Variants in TMEM44 observed in about 807,000 individuals in gnomAD.
TMEM44 encodes the protein transmembrane protein 44.
Under a neutral mutation model 47.8 loss-of-function variants are expected in TMEM44, and 43 were observed. That is an observed-to-expected ratio of 0.90 (90% CI 0.70 to 1.16). TMEM44 has a LOEUF of 1.16. TMEM44 is among the 50% of genes most tolerant of loss of function. The pLI is 0.00. For missense variants in TMEM44, 568 were observed against 555.2 expected (o/e 1.02, Z -0.23); for synonymous variants, 277 against 238.8 (o/e 1.16, Z -1.48).
intron 9 of TMEM44, among the ~76,000 whole-genome samples, chr3:194,598,043 T>C (rs1487349835): frequency 1.3e-5 from 2 of 152,180 alleles, no homozygotes; most frequent in Admixed American, 1.3e-4. Context: ...GGTGGGCTAG[T>C]AAATGAATGA....
At chr3:194,596,485 T>C (rs1409100509) in intron 9 of TMEM44, among the ~76,000 whole-genome samples, 6 of 152,136 alleles carry the variant, frequency 3.9e-5, no homozygotes, top group Non-Finnish European at 8.8e-5. Flanking sequence ...GATGGAAGCT[T>C]TTCTGTGTGT....
intron 2 of TMEM44, 21 bp from the exon 3 acceptor site, chr3:194,626,011 A>T (rs763763559): frequency 1.3e-6 from 2 of 1,575,614 alleles, no homozygotes; most frequent in Non-Finnish European, 1.7e-6. Flanking sequence ...ACGGGAAGAG[A>T]GTCTTGGCAT....
chr3:194,609,608 C>T (rs915361917), intron 8 of TMEM44, among the ~76,000 whole-genome samples: 3 of 152,088 alleles, frequency 2.0e-5, no homozygotes, highest in African/African-American at 7.2e-5. Context: ...TCACCTCTTT[C>T]CCAATTCTCT....
At position 194,633,221 on chromosome 3, in the gene TMEM44, G is replaced by A. The variant is rs1004772969; in HGVS notation, c.-6C>T. 105 of 1,392,524 alleles carry A rather than the reference G, an allele frequency of 7.5e-5. No individual in the cohort carries two copies. Among genetic ancestry groups the A allele is most frequent in the Non-Finnish European group, 3.2e-5 (34 of 1,072,362 alleles). 86.3% of individuals were successfully genotyped at this position (1,392,524 alleles called of 1,614,324 possible). ...GGGCTGGGCGCCTCCCCCATGGCGC[G>A]GCTGGGCGCGCGGCGCGGGGCCGGG... On this transcript the variant is annotated 5_prime_UTR_variant, in exon 1 of 10. Transcript: ENST00000347147.
intron 9 of TMEM44, among the ~76,000 whole-genome samples, chr3:194,599,498 T>C (rs9872030): frequency 0.42 from 64,524 of 151,944 alleles, 14,553 homozygotes; most frequent in East Asian, 0.77. Flanking sequence ...GAGGCGGCCA[T>C]TGGTTGGTAG....
At chr3:194,628,548 GAGT>G in intron 1 of TMEM44, 39 bp from the exon 2 acceptor site, 2 of 1,569,668 alleles carry the variant, frequency 1.3e-6, no homozygotes, top group South Asian at 2.3e-5. Context: ...CAGCAACTGT[GAGT>G]TTGGACCCAA....
At chr3:194,609,509 A>C (rs550894616) in intron 8 of TMEM44, among the ~76,000 whole-genome samples, 29 of 152,178 alleles carry the variant, frequency 1.9e-4, no homozygotes, top group African/African-American at 6.5e-4. Flanking sequence ...CTCAGAATGG[A>C]ATGATGGTGG....
In TMEM44 at chr3:194,622,829, G is replaced by A. The variant is rs989433882; in HGVS notation, c.612+395C>T. The A allele has an allele frequency of 6.6e-5, 11 of 167,076 alleles. No individual in the cohort carries two copies. In the East Asian group the frequency reaches 1.9e-3, roughly 28 times the overall value. The allele number at this position is 167,076 out of a possible 1,614,324, so 10.3% of individuals were successfully genotyped here. On this transcript the variant is annotated intron_variant, in intron 5 of 9. Transcript: ENST00000347147. ...CTCGCAAAGTGCTGGGATTCCAGGC[G>A]TGAGCCCCCGCGCCCGGCCTAAGAC...
At chr3:194,591,835 G>C (rs1400525547) in intron 9 of TMEM44, among the ~76,000 whole-genome samples, 1 of 151,982 alleles carries the variant, frequency 6.6e-6, no homozygotes, top group African/African-American at 2.4e-5. Context: ...TCCAACTCCT[G>C]ACCTCAGGTG....
chr3:194,597,504 C>A (rs1057018812), intron 9 of TMEM44, among the ~76,000 whole-genome samples: 1 of 151,672 alleles, frequency 6.6e-6, no homozygotes, highest in African/African-American at 2.4e-5. Flanking sequence ...ACTAAAAATA[C>A]AAAAAATTAG....
intron 9 of TMEM44, chr3:194,588,986 AC>A (rs1211956750): frequency 4.0e-6 from 1 of 247,238 alleles, no homozygotes; most frequent in African/African-American, 2.3e-5. Flanking sequence ...CCTGGAAAAA[AC>A]CAGGCAAACT....
chr3:194,626,414 A>C (rs1196311705), intron 2 of TMEM44, among the ~76,000 whole-genome samples: 1 of 152,234 alleles, frequency 6.6e-6, no homozygotes, highest in Non-Finnish European at 1.5e-5. Context: ...GTACATGGGC[A>C]GTGTTTACAC....
In TMEM44 at chr3:194,598,199, A is replaced by AAC. The variant is rs557552517; in HGVS notation, c.1176+6087_1176+6088insGT. ...ACATGATTCGTCTGGTACCCTGACC[A>AAC]GTGCAGTCAAGTTCTCCCTCCACGC... On this transcript the variant is annotated intron_variant, in intron 9 of 9. Transcript: ENST00000347147. Among the ~76,000 whole-genome samples, 1,246 of 152,268 alleles carry AAC rather than the reference A, an allele frequency of 8.2e-3. 7 individuals carry two copies. Among genetic ancestry groups the AAC allele is most frequent in the Non-Finnish European group, 0.012 (819 of 68,012 alleles).
At position 194,604,303 on chromosome 3, in the gene TMEM44, A is replaced by G; in HGVS notation, c.1160T>C (p.Ile387Thr). The G allele has an allele frequency of 6.3e-7, 1 of 1,581,632 alleles. No homozygotes were observed. Among genetic ancestry groups the G allele is most frequent in the South Asian group, 1.2e-5 (1 of 86,172 alleles). ...GCCGTGTACCTCCAGGTCGGAGTTG[A>G]TGGAGGAGACCTCAGAGGAGCTGCC... is the stretch of plus-strand genomic sequence containing the variant. ...SSGSSSEVSS[I>T]NSDLEWDPED... The change falls in exon 9 of 10, where the codon ATC (isoleucine) becomes ACC (threonine). Residue 387 changes from isoleucine (I) to threonine (T), a missense_variant. Coordinates refer to ENST00000347147, the MANE Select transcript of TMEM44 (RefSeq NM_001011655.3).
chr3:194,606,251 G>T (rs789851), intron 8 of TMEM44, among the ~76,000 whole-genome samples: 2 of 152,316 alleles, frequency 1.3e-5, no homozygotes, highest in African/African-American at 4.8e-5. Flanking sequence ...TGCTGCTCCC[G>T]CTGCGTCTCC....
At chr3:194,617,687 G>A (rs1716068194) in intron 5 of TMEM44, 1 of 704,116 alleles carries the variant, frequency 1.4e-6, no homozygotes, top group Non-Finnish European at 2.6e-6. Context: ...AATGTCCGCT[G>A]GGAGAACGTG....
chr3:194,623,622 G>T lies in TMEM44; in HGVS notation c.432C>A (p.Ser144Arg). The change falls in exon 4 of 10, where the codon AGC becomes AGA. Residue 144 changes from serine (S) to arginine (R), a missense_variant. Ser to Arg is a moderately radical substitution (Grantham distance 110). Coordinates refer to ENST00000347147, the MANE Select transcript of TMEM44 (RefSeq NM_001011655.3). The part of the protein sequence containing the change: ...ASVFALALPL[S>R]LGPCWALWVA... ...CCCACAGAGCCCAGCACGGGCCCAG[G>T]CTCAGCGGCAGGGCCAGGGCAAACA... 1 of 1,612,848 alleles carries T rather than the reference G, an allele frequency of 6.2e-7. No individual in the cohort carries two copies. Among genetic ancestry groups the T allele is most frequent in the Non-Finnish European group, 8.5e-7 (1 of 1,179,896 alleles).
At chr3:194,589,589 G>C (rs1010162329) in intron 9 of TMEM44, 1 of 102 alleles carries the variant, frequency 9.8e-3, no homozygotes. Context: ...ATTCAGAGCG[G>C]GGGGGCACTG....
intron 9 of TMEM44, among the ~76,000 whole-genome samples, chr3:194,602,064 C>T (rs573481948): frequency 6.6e-6 from 1 of 152,372 alleles, no homozygotes; most frequent in African/African-American, 2.4e-5. Context: ...TCCGCCAAGA[C>T]TGCTGGCTCC....
Sources: gnomAD v4.1 joint callset for allele counts (sites outside exome capture counted in the v4.1 genomes callset) on GRCh38, gnomAD v4.1.1 for gene constraint, MANE v1.5 for transcripts, NCBI Gene and HGNC (gene_info 2026-07-23, HGNC 2026-07-21) for gene names.